BRIP1: variants seen among roughly 807,000 people sequenced by gnomAD.
BRIP1 encodes Fanconi anemia group J protein.
Under a neutral mutation model 119.7 loss-of-function variants are expected in BRIP1, and 88 were observed. The ratio of observed to expected loss-of-function variants is 0.74; its 90% CI spans 0.62 to 0.88. BRIP1 has a LOEUF of 0.88. Ranked by LOEUF, BRIP1 falls within the 40% of genes least tolerant of loss-of-function variation. BRIP1 has a pLI of 0.00. For synonymous variants in BRIP1, 443 were observed against 496.5 expected (o/e 0.89, Z 1.43); for missense variants, 1,259 against 1,455.4 (o/e 0.87, Z 2.20).
chr17:61,856,244 C>T lies in BRIP1; in HGVS notation c.379+814G>A, dbSNP rs2078894757. On this transcript the variant is annotated intron_variant, in intron 4 of 19. Transcript: ENST00000259008. The surrounding 1 kb of genome is among the most constrained non-coding windows in gnomAD (Gnocchi z 5.1). ...CTACCCTCCTCTATATAGTCACATG[C>T]TTTAGAGGAAGCTGACTCCATCCTT... Among the ~76,000 whole-genome samples, 1 of 152,190 alleles carries T rather than the reference C, an allele frequency of 6.6e-6. No homozygotes were observed. Among genetic ancestry groups the T allele is most frequent in the Non-Finnish European group, 1.5e-5 (1 of 68,028 alleles).
At position 61,745,095 on chromosome 17, in the gene BRIP1, A is replaced by G. The variant is rs1251286890; in HGVS notation, c.2098-504T>C. On this transcript the variant is annotated intron_variant, in intron 14 of 19. Transcript: ENST00000259008. This position sits in a 1 kb window ranked among gnomAD's most constrained non-coding sequence, Gnocchi z 4.4. ...GATTTAAGATCATTTTACTAAGTGT[A>G]TAGGCAGATAAGCTCATTATTTGAA... Among the ~76,000 whole-genome samples the G allele has an allele frequency of 1.3e-5, 2 of 152,230 alleles. No homozygotes were observed. Among genetic ancestry groups the G allele is most frequent in the Non-Finnish European group, 2.9e-5 (2 of 68,034 alleles).
Position 61,861,474 on chromosome 17 carries a change from G to T in BRIP1, c.66C>A (p.Tyr22Ter), listed in dbSNP as rs1603368431. 6.2e-7 allele frequency: 1 copy of T among 1,613,038 alleles called. No individual in the cohort carries two copies. The highest frequency in any genetic ancestry group is 8.5e-7 in the Non-Finnish European group (1 of 1,179,192). The change falls in exon 2 of 20, where the codon TAC becomes TAA. Residue 22 changes from tyrosine to a stop codon, truncating the protein, a stop_gained. Transcript: ENST00000259008. LOFTEE classifies it high-confidence loss of function. This position sits in a 1 kb window ranked among gnomAD's most constrained non-coding sequence, Gnocchi z 4.5. ...AATTCATCATAGCAAGCTGTGACGG[G>T]TAAGCTTTATAAGGAAAGTAAATCT... ...GVKIYFPYKA[Y>*]PSQLAMMNSI...
rs569033041 is a variant in BRIP1 at position 61,831,674 on chromosome 17, T to C, written c.627+15427A>G. 6.6e-6 allele frequency among the ~76,000 whole-genome samples: 1 copy of C among 152,352 alleles called. No homozygotes were observed. Among genetic ancestry groups the C allele is most frequent in the African/African-American group, 2.4e-5 (1 of 41,592 alleles). On this transcript the variant is annotated intron_variant, in intron 6 of 19. Transcript: ENST00000259008. The surrounding 1 kb of genome is among the most constrained non-coding windows in gnomAD (Gnocchi z 4.1). Reference sequence around the variant, plus strand: ...TTGGTTGTTTCCACCTTTTGGCTATTGTGAATAACACTCCTATGAACACTG... The same window carrying C: ...TTGGTTGTTTCCACCTTTTGGCTATCGTGAATAACACTCCTATGAACACTG...
chr17:61,821,030 G>C (rs573521622), intron 6 of BRIP1, among the ~76,000 whole-genome samples: 1 of 152,036 alleles, frequency 6.6e-6, no homozygotes, highest in East Asian at 1.9e-4. Context: ...AAGAGCACTG[G>C]TTACAAAATT....
chr17:61,849,289 A>G, intron 4 of BRIP1, 33 bp from the exon 5 acceptor site: 1 of 1,596,120 alleles, frequency 6.3e-7, no homozygotes, highest in Non-Finnish European at 8.5e-7. Context: ...AACAGCATAA[A>G]TAACTTACAG....
chr17:61,716,832 A>AAATAATCTGC (rs1555581245), intron 16 of BRIP1, among the ~76,000 whole-genome samples: 1 of 151,220 alleles, frequency 6.6e-6, no homozygotes, highest in African/African-American at 2.4e-5. Flanking sequence ...CCACTACTGG[A>AAATAATCTGC]TTATTAGCTA....
At position 61,844,049 on chromosome 17, in the gene BRIP1, G is replaced by C. The variant is rs532385299; in HGVS notation, c.627+3052C>G. 6.6e-6 allele frequency among the ~76,000 whole-genome samples: 1 copy of C among 151,726 alleles called. No homozygotes were observed. Among genetic ancestry groups the C allele is most frequent in the East Asian group, 1.9e-4 (1 of 5,140 alleles). ...AGGGATCCCCCTCCCTCAGCCTCCT[G>C]AGTAGCTAGGACTACAAGTACACAC... On this transcript the variant is annotated intron_variant, in intron 6 of 19. Coordinates refer to ENST00000259008, the MANE Select transcript of BRIP1 (RefSeq NM_032043.3). This position sits in a 1 kb window ranked among gnomAD's most constrained non-coding sequence, Gnocchi z 4.7.
In BRIP1 at chr17:61,774,570, A is replaced by C. The variant is rs1268009499; in HGVS notation, c.2097+1831T>G. 6.6e-6 allele frequency among the ~76,000 whole-genome samples: 1 copy of C among 152,188 alleles called. No homozygotes were observed. Reference sequence around the variant, plus strand: ...TGCACGTTGTGCACATGTACCCTAGAACTTAAAGTATAATAATAAAAAAAG... The same window carrying C: ...TGCACGTTGTGCACATGTACCCTAGCACTTAAAGTATAATAATAAAAAAAG... On this transcript the variant is annotated intron_variant, in intron 14 of 19. Transcript: ENST00000259008. The surrounding 1 kb of genome is among the most constrained non-coding windows in gnomAD (Gnocchi z 5.8).
intron 6 of BRIP1, among the ~76,000 whole-genome samples, chr17:61,819,564 T>C (rs1444670766): frequency 6.6e-6 from 1 of 152,214 alleles, no homozygotes; most frequent in African/African-American, 2.4e-5. Context: ...AATGAGATCC[T>C]GTCATTTTCA....
chr17:61,830,300 T>TAAA lies in BRIP1; in HGVS notation c.627+16798_627+16800dup, dbSNP rs35560519. Among the ~76,000 whole-genome samples, 122 of 137,320 alleles carry TAAA rather than the reference T, an allele frequency of 8.9e-4. 1 individual carries two copies. Among genetic ancestry groups the TAAA allele is most frequent in the Admixed American group, 1.8e-3 (25 of 13,912 alleles). The allele number at this position is 137,320 out of a possible 152,430, so 90.1% of individuals were successfully genotyped here. ...CCAAAGAAAGTAAAACAATGGTAAT[T>TAAA]AAAAAAAAAAAAAGCAGAAACCAAC... On this transcript the variant is annotated intron_variant, in intron 6 of 19. Coordinates refer to ENST00000259008, the MANE Select transcript of BRIP1 (RefSeq NM_032043.3).
Position 61,763,103 on chromosome 17 carries a change from C to CT in BRIP1, c.2097+13297dup, listed in dbSNP as rs1314592496. ...ACCAGAGTCTGGGGCAACCACCCTT[C>CT]TACTTTCTATCTCTGAATTTGACTA... On this transcript the variant is annotated intron_variant, in intron 14 of 19. Coordinates refer to ENST00000259008, the MANE Select transcript of BRIP1 (RefSeq NM_032043.3). Among the ~76,000 whole-genome samples the CT allele has an allele frequency of 3.3e-5, 5 of 152,006 alleles. No homozygotes were observed. The East Asian group carries it at 9.6e-4, about 29-fold the overall frequency.
intron 16 of BRIP1, among the ~76,000 whole-genome samples, chr17:61,737,682 A>G (rs1051885932): frequency 5.9e-5 from 9 of 152,228 alleles, no homozygotes; most frequent in African/African-American, 2.2e-4. Context: ...TATTTTAGGT[A>G]TTGACTGCTA....
In BRIP1 at chr17:61,735,292, A is replaced by C. The variant is rs1224582883; in HGVS notation, c.2379+7721T>G. On this transcript the variant is annotated intron_variant, in intron 16 of 19. Coordinates refer to ENST00000259008, the MANE Select transcript of BRIP1 (RefSeq NM_032043.3). The surrounding 1 kb of genome is among the most constrained non-coding windows in gnomAD (Gnocchi z 4.4). ...CACTCTTAATTAGGTTATATTATAT[A>C]GCAAAAATGATGGGAAGTTATTCCC... Among the ~76,000 whole-genome samples, 1 of 152,210 alleles carries C rather than the reference A, an allele frequency of 6.6e-6. No individual in the cohort carries two copies. Among genetic ancestry groups the C allele is most frequent in the Non-Finnish European group, 1.5e-5 (1 of 68,036 alleles).
At position 61,780,152 on chromosome 17, in the gene BRIP1, T is replaced by C; in HGVS notation, c.1935+109A>G. ...TATTGTAAAACTGGAATGTTGAATT[T>C]CCTACCAAGATTTACTTGCTGGCAC... On this transcript the variant is annotated intron_variant, in intron 13 of 19. Coordinates refer to ENST00000259008, the MANE Select transcript of BRIP1 (RefSeq NM_032043.3). The surrounding 1 kb of genome is among the most constrained non-coding windows in gnomAD (Gnocchi z 5.4). 1.7e-6 allele frequency: 2 copies of C among 1,208,034 alleles called. No individual in the cohort carries two copies. Among genetic ancestry groups the C allele is most frequent in the Non-Finnish European group, 2.4e-6 (2 of 835,822 alleles). 74.8% of individuals were successfully genotyped at this position (1,208,034 alleles called of 1,614,324 possible).
rs71150629 is a variant in BRIP1 at position 61,709,362 on chromosome 17, GGGTGAAGAGT to G, written c.2492+6579_2492+6588del. ...TCTTTATTATCATAGGATTTTGAGG[GGGTGAAGAGT>G]AACATAAATGTTCAATTTTTCTACA... On this transcript the variant is annotated intron_variant, in intron 17 of 19. Transcript: ENST00000259008. The surrounding 1 kb of genome is among the most constrained non-coding windows in gnomAD (Gnocchi z 5.0). 0.34 allele frequency among the ~76,000 whole-genome samples: 51,043 copies of G among 151,682 alleles called. 8,742 individuals carry two copies. Among genetic ancestry groups the G allele is most frequent in the East Asian group, 0.49 (2,498 of 5,132 alleles).
chr17:61,858,534 A>G (rs2078930639), intron 3 of BRIP1, among the ~76,000 whole-genome samples: 1 of 151,914 alleles, frequency 6.6e-6, no homozygotes, highest in Non-Finnish European at 1.5e-5. Flanking sequence ...CCACCTCACC[A>G]GGCTAATTTT....
chr17:61,808,872 A>G lies in BRIP1; in HGVS notation c.628-115T>C. 1 of 1,051,370 alleles carries G rather than the reference A, an allele frequency of 9.5e-7. No individual in the cohort carries two copies. Among genetic ancestry groups the G allele is most frequent in the South Asian group, 1.5e-5 (1 of 67,630 alleles). 65.1% of individuals were successfully genotyped at this position (1,051,370 alleles called of 1,614,324 possible). On this transcript the variant is annotated intron_variant, in intron 6 of 19. Transcript: ENST00000259008. The surrounding 1 kb of genome is among the most constrained non-coding windows in gnomAD (Gnocchi z 4.1). Reference sequence around the variant, plus strand: ...TGAATCACAATGGTCAAATAAAGAGAAATAACAAGAAATTATAGTATCTAA... The same window carrying G: ...TGAATCACAATGGTCAAATAAAGAGGAATAACAAGAAATTATAGTATCTAA...
rs1023214203 is a variant in BRIP1 at position 61,717,674 on chromosome 17, C to T, written c.2380-1611G>A. ...TGTGCTGTTGTGTGTATTTTGCTTG[C>T]GTTTTTATTAAGCTTCTTGGACCTG... On this transcript the variant is annotated intron_variant, in intron 16 of 19. Transcript: ENST00000259008. This position sits in a 1 kb window ranked among gnomAD's most constrained non-coding sequence, Gnocchi z 4.1. Among the ~76,000 whole-genome samples the T allele has an allele frequency of 2.6e-5, 4 of 151,986 alleles. No individual in the cohort carries two copies. Among genetic ancestry groups the T allele is most frequent in the African/African-American group, 7.2e-5 (3 of 41,402 alleles).
chr17:61,733,117 T>C (rs761599163), intron 16 of BRIP1, among the ~76,000 whole-genome samples: 74 of 152,224 alleles, frequency 4.9e-4, no homozygotes, highest in Non-Finnish European at 8.8e-4. Context: ...CTACAGTCCT[T>C]TGCATTCCTG....
Sources: gnomAD v4.1 joint callset for allele counts (sites outside exome capture counted in the v4.1 genomes callset) on GRCh38, gnomAD v4.1.1 for gene constraint, Gnocchi (gnomAD v3.1) non-coding constraint, MANE v1.5 for transcripts, NCBI Gene and HGNC (gene_info 2026-07-23, HGNC 2026-07-21) for gene names.